Variants in PABPC4L observed in about 807,000 individuals in gnomAD.
PABPC4L encodes the protein polyadenylate-binding protein 4-like.
For synonymous variants in PABPC4L, 169 were observed against 164.1 expected (o/e 1.03, Z -0.23); for missense variants, 452 against 451.4 (o/e 1.00, Z -0.01).
chr4:134,178,908 C>T, the PABPC4L span, among the ~76,000 whole-genome samples: 1 of 151,758 alleles, frequency 6.6e-6, no homozygotes, highest in Non-Finnish European at 1.5e-5. Flanking sequence ...GTAAAAACAC[C>T]AAATTTATGA....
chr4:134,011,714 A>G, the PABPC4L span, among the ~76,000 whole-genome samples: 1 of 152,124 alleles, frequency 6.6e-6, no homozygotes, highest in Non-Finnish European at 1.5e-5. Context: ...ATATGCTCTC[A>G]TTCTTTGCTG....
the PABPC4L span, among the ~76,000 whole-genome samples, chr4:134,175,065 G>A: frequency 1.3e-5 from 2 of 152,152 alleles, no homozygotes; most frequent in African/African-American, 4.8e-5. Context: ...ATTCAGAACA[G>A]AATTGAGGGA....
intron 1 of PABPC4L, 111 bp from the exon 2 acceptor site, chr4:134,201,356 C>A: frequency 8.5e-7 from 1 of 1,170,974 alleles, no homozygotes; most frequent in South Asian, 1.5e-5. Context: ...TCCACAGACG[C>A]CCTGGTCGCT....
At chr4:134,021,188 C>G in the PABPC4L span, among the ~76,000 whole-genome samples, 2 of 152,026 alleles carry the variant, frequency 1.3e-5, no homozygotes, top group South Asian at 4.1e-4. Context: ...ATCACATATA[C>G]AGGTAGTTTA....
At chr4:134,094,025 C>T in the PABPC4L span, among the ~76,000 whole-genome samples, 1 of 151,814 alleles carries the variant, frequency 6.6e-6, no homozygotes, top group Non-Finnish European at 1.5e-5. Flanking sequence ...AGCCATGATG[C>T]ATGCCATGTA....
chr4:134,138,019 T>C, the PABPC4L span, among the ~76,000 whole-genome samples: 1 of 151,792 alleles, frequency 6.6e-6, no homozygotes, highest in Non-Finnish European at 1.5e-5. Context: ...TTTCCATTTA[T>C]TTATATGATA....
the PABPC4L span, among the ~76,000 whole-genome samples, chr4:133,994,503 G>T: frequency 2.0e-5 from 3 of 152,056 alleles, no homozygotes; most frequent in African/African-American, 7.2e-5. Context: ...TGCGTGCTTT[G>T]CTTGGCTGTG....
the PABPC4L span, among the ~76,000 whole-genome samples, chr4:134,189,165 C>G: frequency 6.6e-6 from 1 of 152,056 alleles, no homozygotes; most frequent in Non-Finnish European, 1.5e-5. Context: ...ATTCTCATTT[C>G]TCTGCATACA....
the PABPC4L span, among the ~76,000 whole-genome samples, chr4:134,144,595 A>C: frequency 6.8e-6 from 1 of 146,416 alleles, no homozygotes; most frequent in Admixed American, 6.9e-5. Context: ...AAAAAAAAAA[A>C]CAGTTCAGTC....
chr4:134,176,300 TAA>T, the PABPC4L span, among the ~76,000 whole-genome samples: 1 of 151,972 alleles, frequency 6.6e-6, no homozygotes. Flanking sequence ...TTTATAGAAA[TAA>T]GTTATGTCTA....
the PABPC4L span, among the ~76,000 whole-genome samples, chr4:133,957,152 G>A: frequency 6.6e-6 from 1 of 152,094 alleles, no homozygotes; most frequent in African/African-American, 2.4e-5. Flanking sequence ...TCTGAGACAA[G>A]GCAAGTCCCT....
the PABPC4L span, among the ~76,000 whole-genome samples, chr4:134,083,787 AC>A: frequency 6.6e-6 from 1 of 152,202 alleles, no homozygotes; most frequent in African/African-American, 2.4e-5. Context: ...AATAATACAT[AC>A]ATTCTAGACC....
At chr4:134,079,062 C>A in the PABPC4L span, among the ~76,000 whole-genome samples, 1 of 148,558 alleles carries the variant, frequency 6.7e-6, no homozygotes, top group South Asian at 2.1e-4. Context: ...ACCTTCGCCT[C>A]CTGTGTTCAA....
At chr4:134,064,428 GA>G in the PABPC4L span, among the ~76,000 whole-genome samples, 1 of 152,026 alleles carries the variant, frequency 6.6e-6, no homozygotes, top group Non-Finnish European at 1.5e-5. Context: ...CCACTTGGTT[GA>G]TATTAATTGA....
chr4:134,176,180 G>T, the PABPC4L span, among the ~76,000 whole-genome samples: 5 of 151,932 alleles, frequency 3.3e-5, no homozygotes, highest in African/African-American at 9.7e-5. Flanking sequence ...TTAAATGTCA[G>T]CATATTAGAA....
At chr4:133,977,291 T>G in the PABPC4L span, among the ~76,000 whole-genome samples, 2 of 152,154 alleles carry the variant, frequency 1.3e-5, no homozygotes, top group Non-Finnish European at 2.9e-5. Flanking sequence ...TTTGTACTAG[T>G]AGCATGCTGA....
the PABPC4L span, among the ~76,000 whole-genome samples, chr4:134,050,308 T>G: frequency 6.6e-6 from 1 of 152,304 alleles, no homozygotes; most frequent in Non-Finnish European, 1.5e-5. Flanking sequence ...CATCTGAAAT[T>G]ATGCCTTGCT....
At chr4:133,961,723 T>C in the PABPC4L span, among the ~76,000 whole-genome samples, 1 of 152,044 alleles carries the variant, frequency 6.6e-6, no homozygotes, top group Non-Finnish European at 1.5e-5. Flanking sequence ...CGTCCACCAC[T>C]GCTGTTTGCT....
the PABPC4L span, among the ~76,000 whole-genome samples, chr4:134,023,893 A>C: frequency 6.6e-6 from 1 of 152,276 alleles, no homozygotes; most frequent in South Asian, 2.1e-4. Context: ...TAAGTAATTG[A>C]AGAAAGTTTT....
Sources: gnomAD v4.1 joint callset for allele counts (sites outside exome capture counted in the v4.1 genomes callset) on GRCh38, gnomAD v4.1.1 for gene constraint, MANE v1.5 for transcripts, NCBI Gene and HGNC (gene_info 2026-07-23, HGNC 2026-07-21) for gene names.